The following PALS2 variants were observed in gnomAD, a reference collection of about 807,000 sequenced individuals.
PALS2 encodes protein associated with LIN7 2, MAGUK p55 family member.
Under a neutral mutation model 61.6 loss-of-function variants are expected in PALS2, and 27 were observed. The observed-to-expected ratio is 0.44, with a 90% CI of 0.32 to 0.60. The LOEUF (loss-of-function observed/expected upper bound fraction) is 0.60, where lower values mean the gene tolerates loss of function less well. Among genes scored for constraint, PALS2 ranks in the 20% least tolerant of loss-of-function variants. The pLI is 0.05. For missense variants in PALS2, 554 were observed against 639.4 expected, an observed-to-expected ratio of 0.87 and a Z score of 1.44; for synonymous variants, 236 against 218.6, an observed-to-expected ratio of 1.08 and a Z score of -0.70.
At chr7:24,600,674 AT>A (rs796198270) in intron 1 of PALS2, among the ~76,000 whole-genome samples, 3 of 152,106 alleles carry the variant, frequency 2.0e-5, no homozygotes, top group Admixed American at 2.0e-4. Context: ...CCATTTAACT[AT>A]TTTTTATAGG....
At chr7:24,628,494 G>A (rs1008768913) in intron 2 of PALS2, among the ~76,000 whole-genome samples, 1 of 152,166 alleles carries the variant, frequency 6.6e-6, no homozygotes, top group African/African-American at 2.4e-5. Flanking sequence ...ATTCAACGTA[G>A]TATTGGAAGT....
chr7:24,616,687 T>C (rs991938401), intron 1 of PALS2, among the ~76,000 whole-genome samples: 13 of 152,190 alleles, frequency 8.5e-5, no homozygotes, highest in Non-Finnish European at 8.8e-5. Context: ...ATGTGAGGAC[T>C]TACTCCTGTC....
At chr7:24,643,341 A>G (rs118174447) in intron 3 of PALS2, among the ~76,000 whole-genome samples, 5,944 of 152,230 alleles carry the variant, frequency 0.039, 155 homozygotes, top group Non-Finnish European at 0.058. Flanking sequence ...AATACCAGCA[A>G]ATAAAAATAC....
At chr7:24,686,220 C>G (rs1404241509) in intron 11 of PALS2, among the ~76,000 whole-genome samples, 2 of 152,180 alleles carry the variant, frequency 1.3e-5, no homozygotes, top group East Asian at 1.9e-4. Context: ...AATTTACAGT[C>G]TGGTGTCATT....
intron 2 of PALS2, among the ~76,000 whole-genome samples, chr7:24,639,280 T>C (rs1360282058): frequency 1.3e-5 from 2 of 152,220 alleles, no homozygotes; most frequent in African/African-American, 2.4e-5. Context: ...AGAGTTCAAG[T>C]CTTGGTGTTA....
chr7:24,687,693 A>T lies in PALS2; in HGVS notation c.*79A>T, dbSNP rs1788279764. On this transcript the variant is annotated 3_prime_UTR_variant, in exon 12 of 12. Transcript: ENST00000222644. The surrounding 1 kb of genome is among the most constrained non-coding windows in gnomAD (Gnocchi z 4.5). ...AATAAACCTTCTACTGAGAAAATAC[A>T]TCACAGATAGAAGATTATCTGCTAA... 3 of 1,356,258 alleles carry T rather than the reference A, an allele frequency of 2.2e-6. No homozygotes were observed. Among genetic ancestry groups the T allele is most frequent in the Non-Finnish European group, 2.0e-6 (2 of 1,003,952 alleles). 84.0% of individuals were successfully genotyped at this position (1,356,258 alleles called of 1,614,324 possible). A position where few individuals can be genotyped will look rare whatever the true frequency, so the allele number is the denominator to read the frequency against.
rs934490247 is a variant in PALS2 at position 24,690,099 on chromosome 7, T to C, written c.*2485T>C. 2.6e-5 allele frequency: 4 copies of C among 152,206 alleles called. No homozygotes were observed. Among genetic ancestry groups the C allele is most frequent in the Non-Finnish European group, 5.9e-5 (4 of 68,030 alleles). The allele number at this position is 152,206 out of a possible 1,614,324, so 9.4% of individuals were successfully genotyped here. A position where few individuals can be genotyped will look rare whatever the true frequency, so the allele number is the denominator to read the frequency against. ...CTACTTAATTAATGCACATTAGATT[T>C]CTCCTAATATAAAATGAAATGATGC... On this transcript the variant is annotated 3_prime_UTR_variant, in exon 12 of 12. Transcript: ENST00000222644.
chr7:24,683,454 A>G (rs1788036617), intron 11 of PALS2, among the ~76,000 whole-genome samples: 2 of 150,456 alleles, frequency 1.3e-5, no homozygotes, highest in South Asian at 4.2e-4. Flanking sequence ...TGCAGTGATT[A>G]TTTTTATTGA....
intron 1 of PALS2, among the ~76,000 whole-genome samples, chr7:24,589,704 TTTAA>T (rs771026779): frequency 5.3e-5 from 8 of 152,170 alleles, no homozygotes; most frequent in Non-Finnish European, 1.0e-4. Flanking sequence ...TCAATTTATT[TTTAA>T]TTAAGCTTTT....
intron 1 of PALS2, among the ~76,000 whole-genome samples, chr7:24,619,339 A>C (rs965191552): frequency 2.6e-5 from 4 of 152,140 alleles, no homozygotes; most frequent in African/African-American, 4.8e-5. Flanking sequence ...TAGTTTTCAT[A>C]AGTGATTGGT....
At chr7:24,609,148 T>G (rs1315535437) in intron 1 of PALS2, among the ~76,000 whole-genome samples, 2 of 152,228 alleles carry the variant, frequency 1.3e-5, no homozygotes, top group Non-Finnish European at 2.9e-5. Context: ...TTTCTTCAAA[T>G]GCCTGGTGAT....
At chr7:24,612,981 T>C (rs972092288) in intron 1 of PALS2, among the ~76,000 whole-genome samples, 1 of 151,864 alleles carries the variant, frequency 6.6e-6, no homozygotes, top group Non-Finnish European at 1.5e-5. Context: ...CTGTTTTTAC[T>C]AAGGTAAGGT....
intron 2 of PALS2, among the ~76,000 whole-genome samples, chr7:24,639,774 A>G (rs906084408): frequency 2.7e-5 from 4 of 150,540 alleles, no homozygotes; most frequent in Admixed American, 1.3e-4. Context: ...GAAAATTACA[A>G]ATTTACCCGT....
intron 1 of PALS2, among the ~76,000 whole-genome samples, chr7:24,610,083 G>T (rs1049430739): frequency 5.3e-5 from 8 of 152,110 alleles, no homozygotes; most frequent in African/African-American, 1.9e-4. Context: ...CAAATAAAGA[G>T]TTAACTGCTT....
chr7:24,646,216 T>A (rs1411760275), intron 3 of PALS2, among the ~76,000 whole-genome samples: 1 of 152,236 alleles, frequency 6.6e-6, no homozygotes, highest in African/African-American at 2.4e-5. Flanking sequence ...AGAGAAGTCA[T>A]CCTTGTCTTG....
intron 5 of PALS2, among the ~76,000 whole-genome samples, chr7:24,660,241 T>C (rs1786646914): frequency 7.3e-6 from 1 of 137,434 alleles, no homozygotes; most frequent in Non-Finnish European, 1.5e-5. Context: ...GGTGAATCAT[T>C]CCCATGGTTT....
intron 3 of PALS2, among the ~76,000 whole-genome samples, chr7:24,642,230 T>A (rs1785594464): frequency 6.6e-6 from 1 of 152,178 alleles, no homozygotes; most frequent in African/African-American, 2.4e-5. Flanking sequence ...TCAATACTTT[T>A]TAGTATTGCT....
chr7:24,638,856 T>A (rs1785375197), intron 2 of PALS2, among the ~76,000 whole-genome samples: 1 of 152,188 alleles, frequency 6.6e-6, no homozygotes, highest in African/African-American at 2.4e-5. Context: ...GGAATGGAGT[T>A]TTCAAGTCAT....
At chr7:24,659,120 C>G (rs1786582491) in intron 5 of PALS2, among the ~76,000 whole-genome samples, 1 of 152,152 alleles carries the variant, frequency 6.6e-6, no homozygotes, top group Non-Finnish European at 1.5e-5. Context: ...TTTTCTGTTC[C>G]TGCATTAATT....
Sources: allele counts gnomAD v4.1 joint callset (sites outside exome capture counted in the v4.1 genomes callset), GRCh38; gene constraint gnomAD v4.1.1; non-coding constraint Gnocchi (gnomAD v3.1); transcripts MANE v1.5; gene names NCBI Gene and HGNC (gene_info 2026-07-23, HGNC 2026-07-21).